ROBO2: variants seen among roughly 807,000 people sequenced by gnomAD.
ROBO2 encodes the protein roundabout homolog 2.
ROBO2 carries 53 observed loss-of-function variants against 160.8 expected under a neutral mutation model. That is an observed-to-expected ratio of 0.33 (90% CI 0.26 to 0.41). The LOEUF (loss-of-function observed/expected upper bound fraction) is 0.41. ROBO2 is among the 10% of genes least tolerant of loss of function. The pLI is 1.00. For synonymous variants in ROBO2, 664 were observed against 611.7 expected (o/e 1.09, Z -1.26); for missense variants, 1,577 against 1,722.4 (o/e 0.92, Z 1.49).
At chr3:76,065,736 A>AAT (rs370232330) in intron 2 of ROBO2, among the ~76,000 whole-genome samples, 21,154 of 134,086 alleles carry the variant, frequency 0.16, 2,080 homozygotes, top group East Asian at 0.45. Flanking sequence ...ATTTAAACTA[A>AAT]ATATATATAT....
At chr3:75,981,881 C>T (rs1052040690) in intron 2 of ROBO2, among the ~76,000 whole-genome samples, 2 of 149,432 alleles carry the variant, frequency 1.3e-5, no homozygotes, top group African/African-American at 2.4e-5. Flanking sequence ...ATTTTTTTTA[C>T]CTATTAACAA....
intron 2 of ROBO2, among the ~76,000 whole-genome samples, chr3:77,371,669 CA>C (rs765370081): frequency 2.1e-4 from 32 of 152,100 alleles, no homozygotes; most frequent in Non-Finnish European, 4.0e-4. Context: ...AATAGAAGTT[CA>C]AAATACATTT....
chr3:76,605,440 GA>G (rs2109009601), intron 2 of ROBO2, among the ~76,000 whole-genome samples: 2 of 152,112 alleles, frequency 1.3e-5, no homozygotes, highest in East Asian at 3.9e-4. Flanking sequence ...AATTGAGCTA[GA>G]AAACATTTAA....
chr3:77,629,389 C>T (rs376398091), intron 23 of ROBO2: 1 of 152,026 alleles, frequency 6.6e-6, no homozygotes, highest in Non-Finnish European at 1.5e-5. Context: ...GATCCTCAGG[C>T]TGGAATTACA....
chr3:77,413,489 T>C (rs1305291019), intron 2 of ROBO2, among the ~76,000 whole-genome samples: 3 of 151,976 alleles, frequency 2.0e-5, no homozygotes, highest in Non-Finnish European at 4.4e-5. Flanking sequence ...CATTGAAAGG[T>C]TTGCGTTTTG....
In ROBO2 at chr3:76,675,433, A is replaced by T. The variant is rs576868294; in HGVS notation, c.110-422581A>T. ...ACAATGATTTTCTCCCCAGGGGGGAAAAAGAAACGAAAACACATTTACAAA... is the reference window on the plus strand; with the variant it reads ...ACAATGATTTTCTCCCCAGGGGGGATAAAGAAACGAAAACACATTTACAAA... On this transcript the variant is annotated intron_variant, in intron 2 of 26. Transcript: ENST00000487694. Among the ~76,000 whole-genome samples, 2 of 118,148 alleles carry T rather than the reference A, an allele frequency of 1.7e-5. 1 individual carries two copies. Among genetic ancestry groups the T allele is most frequent in the South Asian group, 6.0e-4 (2 of 3,330 alleles). 77.5% of individuals were successfully genotyped at this position (118,148 alleles called of 152,430 possible). A position where few individuals can be genotyped will look rare whatever the true frequency, so the allele number is the denominator to read the frequency against.
intron 2 of ROBO2, among the ~76,000 whole-genome samples, chr3:76,945,134 C>T (rs1016480173): frequency 2.0e-5 from 3 of 151,962 alleles, no homozygotes; most frequent in Admixed American, 1.3e-4. Flanking sequence ...GTGATCCGCC[C>T]GCCTCCGCCT....
chr3:77,211,686 T>C (rs940566581), intron 2 of ROBO2, among the ~76,000 whole-genome samples: 1 of 152,200 alleles, frequency 6.6e-6, no homozygotes, highest in Non-Finnish European at 1.5e-5. Flanking sequence ...TAGGTTTTCT[T>C]CTAGGGTTTT....
intron 2 of ROBO2, among the ~76,000 whole-genome samples, chr3:76,369,846 T>C (rs1248686923): frequency 6.6e-6 from 1 of 151,956 alleles, no homozygotes; most frequent in African/African-American, 2.4e-5. Context: ...TTGAAAGAAG[T>C]ATTACAACTG....
At chr3:75,907,169 C>G (rs1946382809) in intron 1 of ROBO2, among the ~76,000 whole-genome samples, 1 of 152,158 alleles carries the variant, frequency 6.6e-6, no homozygotes, top group Non-Finnish European at 1.5e-5. Flanking sequence ...ATGGAATTAG[C>G]TTAAGTGAAT....
chr3:76,612,960 A>G (rs2088253771), intron 2 of ROBO2, among the ~76,000 whole-genome samples: 3 of 152,070 alleles, frequency 2.0e-5, no homozygotes, highest in South Asian at 2.1e-4. Flanking sequence ...TTTTCAGTCT[A>G]TATGTGTCTT....
At chr3:76,882,102 G>C (rs2073400539) in intron 2 of ROBO2, among the ~76,000 whole-genome samples, 1 of 150,098 alleles carries the variant, frequency 6.7e-6, no homozygotes, top group Admixed American at 6.7e-5. Context: ...GTGTGTGTGT[G>C]TGTGTGTGTG....
chr3:76,255,265 A>G (rs549774848), intron 2 of ROBO2, among the ~76,000 whole-genome samples: 17 of 152,262 alleles, frequency 1.1e-4, no homozygotes, highest in African/African-American at 3.4e-4. Flanking sequence ...ATTGCCTGCT[A>G]TTTATTGTTT....
Position 76,434,774 on chromosome 3 carries a change from T to C in ROBO2, c.109+497172T>C, listed in dbSNP as rs1197245773. On this transcript the variant is annotated intron_variant, in intron 2 of 26. Coordinates refer to the ROBO2 transcript ENST00000487694. ...AGTCCGCTTCCTGCTCAGCCCTGTT[T>C]GCGCAGATTAATCAGGGGGAGAGCA... The C allele has an allele frequency of 4.0e-6, 5 of 1,262,250 alleles. No individual in the cohort carries two copies. The East Asian group carries it at 1.2e-4, about 29-fold the overall frequency. 78.2% of individuals were successfully genotyped at this position (1,262,250 alleles called of 1,614,324 possible). A position where few individuals can be genotyped will look rare whatever the true frequency, so the allele number is the denominator to read the frequency against.
intron 2 of ROBO2, among the ~76,000 whole-genome samples, chr3:76,871,520 C>G (rs1362723817): frequency 1.4e-5 from 2 of 146,490 alleles, no homozygotes; most frequent in Non-Finnish European, 3.0e-5. Context: ...CGCCACTGCA[C>G]TCCAGCCTGG....
At position 76,831,962 on chromosome 3, in the gene ROBO2, C is replaced by A. The variant is rs534458771; in HGVS notation, c.110-266052C>A. ...AGAAAAGAGTACTTACTTCTTTAATCCAGTTAAAGCAGTTTATGAAATTTA... is the reference window on the plus strand; with the variant it reads ...AGAAAAGAGTACTTACTTCTTTAATACAGTTAAAGCAGTTTATGAAATTTA... On this transcript the variant is annotated intron_variant, in intron 2 of 26. Coordinates refer to the ROBO2 transcript ENST00000487694. Among the ~76,000 whole-genome samples the A allele has an allele frequency of 2.6e-5, 4 of 152,234 alleles. No homozygotes were observed. In the East Asian group the frequency reaches 5.8e-4, roughly 22 times the overall value.
At chr3:76,476,302 T>C (rs1469909727) in intron 2 of ROBO2, among the ~76,000 whole-genome samples, 1 of 152,194 alleles carries the variant, frequency 6.6e-6, no homozygotes, top group African/African-American at 2.4e-5. Context: ...ATTGAAGTAA[T>C]TGCTTGTAAT....
At chr3:76,760,382 GAA>G (rs2061236397) in intron 2 of ROBO2, among the ~76,000 whole-genome samples, 1 of 151,654 alleles carries the variant, frequency 6.6e-6, no homozygotes, top group South Asian at 2.1e-4. Flanking sequence ...CACCATGGCT[GAA>G]AATAAATATC....
At chr3:77,076,915 G>A (rs1220296017) in intron 1 of ROBO2, among the ~76,000 whole-genome samples, 2 of 152,114 alleles carry the variant, frequency 1.3e-5, no homozygotes, top group Non-Finnish European at 2.9e-5. Context: ...AGAAGCTAAA[G>A]TTTTTAAGGA....
Sources: allele counts gnomAD v4.1 joint callset (sites outside exome capture counted in the v4.1 genomes callset), GRCh38; gene constraint gnomAD v4.1.1; transcripts MANE v1.5; gene names NCBI Gene and HGNC (gene_info 2026-07-23, HGNC 2026-07-21).